Variants in NRG1 observed in about 807,000 individuals in gnomAD.
NRG1 encodes the protein neuregulin 1, also known as pro-neuregulin-1, membrane-bound isoform.
In NRG1, 18 loss-of-function variants were observed where a neutral mutation model predicts 63.8. The ratio of observed to expected loss-of-function variants is 0.28; its 90% CI spans 0.19 to 0.42. NRG1 has a LOEUF of 0.42. Among genes scored for constraint, NRG1 ranks in the 10% least tolerant of loss-of-function variants. NRG1 has a pLI of 1.00. For synonymous variants in NRG1, 302 were observed against 301.3 expected, an observed-to-expected ratio of 1.00 and a Z score of -0.02; for missense variants, 762 against 814.7, an observed-to-expected ratio of 0.94 and a Z score of 0.79.
At chr8:31,943,390 T>C (rs1228714831) in intron 1 of NRG1, among the ~76,000 whole-genome samples, 9 of 152,032 alleles carry the variant, frequency 5.9e-5, no homozygotes, top group Non-Finnish European at 1.2e-4. Flanking sequence ...CAGGGAAAGT[T>C]TGGGGACTGG....
At chr8:32,483,798 G>A (rs1357292986) in intron 1 of NRG1, among the ~76,000 whole-genome samples, 5 of 151,978 alleles carry the variant, frequency 3.3e-5, no homozygotes, top group Non-Finnish European at 5.9e-5. Flanking sequence ...AATGTCCACC[G>A]ACGTTAGAAA....
chr8:32,078,400 A>G lies in NRG1; in HGVS notation c.37+438969A>G, dbSNP rs141521129. Among the ~76,000 whole-genome samples the G allele has an allele frequency of 2.7e-3, 405 of 152,316 alleles. 4 individuals are homozygous for G. The highest frequency in any genetic ancestry group is 9.2e-3 in the African/African-American group (384 of 41,578). On this transcript the variant is annotated intron_variant, in intron 1 of 10. Coordinates refer to the NRG1 transcript ENST00000519301. ...CAGATGCTGGCACCACACTTTGTGT[A>G]TAGCCTTTAGAACCATGAGCCAAAT...
chr8:32,494,027 G>C (rs16879481), intron 1 of NRG1, among the ~76,000 whole-genome samples: 15,342 of 152,100 alleles, frequency 0.1, 1,883 homozygotes, highest in East Asian at 0.57. Context: ...CTTGGTAATA[G>C]TTTTTCTTCT....
intron 1 of NRG1, among the ~76,000 whole-genome samples, chr8:31,651,647 A>G (rs572670681): frequency 6.6e-6 from 1 of 152,306 alleles, no homozygotes; most frequent in South Asian, 2.1e-4. Flanking sequence ...AAGCTCTTTT[A>G]TAAGTAAAAT....
At chr8:31,671,547 C>T (rs1162560307) in intron 1 of NRG1, among the ~76,000 whole-genome samples, 1 of 152,082 alleles carries the variant, frequency 6.6e-6, no homozygotes, top group African/African-American at 2.4e-5. Context: ...CTTAGTTTCA[C>T]TCTGATTAAT....
chr8:32,414,542 T>G (rs1026944750), intron 1 of NRG1, among the ~76,000 whole-genome samples: 6 of 152,212 alleles, frequency 3.9e-5, no homozygotes, highest in African/African-American at 9.6e-5. Context: ...AAGATTTCTA[T>G]AGATATGCAT....
rs116963595 is a variant in NRG1, at chr8:32,658,303, T to C, written c.502+41418T>C. Among the ~76,000 whole-genome samples the C allele has an allele frequency of 7.7e-3, 1,170 of 152,332 alleles. 6 individuals carry two copies. The highest frequency in any genetic ancestry group is 0.024 in the Middle Eastern group (7 of 294). On this transcript the variant is annotated intron_variant, in intron 5 of 11. Transcript: ENST00000356819. ...TGTCACCTTGAAACTTTTTTATCTATTTTGGATTGAAATCTTTTAATAACT... is the reference window on the plus strand; with the variant it reads ...TGTCACCTTGAAACTTTTTTATCTACTTTGGATTGAAATCTTTTAATAACT...
chr8:31,882,044 T>C lies in NRG1; in HGVS notation c.37+242613T>C, dbSNP rs1252056650. ...TCAGTGTTGACAAAAGGGTTTTCTT[T>C]TGGAAGAAGATGCCATCTTGGCTTT... On this transcript the variant is annotated intron_variant, in intron 1 of 10. Transcript: ENST00000519301. Among the ~76,000 whole-genome samples, 12 of 152,214 alleles carry C rather than the reference T, an allele frequency of 7.9e-5. No homozygotes were observed. The East Asian group carries it at 2.1e-3, about 27-fold the overall frequency.
chr8:32,389,749 GTCTT>G (rs1161274301), intron 1 of NRG1, among the ~76,000 whole-genome samples: 5 of 121,548 alleles, frequency 4.1e-5, no homozygotes, highest in East Asian at 4.1e-4. Context: ...TTTTCTTTCA[GTCTT>G]TCTTTCTTTT....
At chr8:31,941,544 G>A (rs1238525123) in intron 1 of NRG1, among the ~76,000 whole-genome samples, 1 of 152,088 alleles carries the variant, frequency 6.6e-6, no homozygotes, top group Non-Finnish European at 1.5e-5. Flanking sequence ...CTTAGCCAGA[G>A]CAATCAGACA....
At chr8:32,116,790 A>G (rs1355498612) in intron 1 of NRG1, among the ~76,000 whole-genome samples, 1 of 152,084 alleles carries the variant, frequency 6.6e-6, no homozygotes, top group African/African-American at 2.4e-5. Context: ...ATCAAACTTA[A>G]TGGAACCATA....
intron 1 of NRG1, among the ~76,000 whole-genome samples, chr8:31,739,958 C>T (rs750111809): frequency 6.6e-6 from 1 of 152,012 alleles, no homozygotes; most frequent in Non-Finnish European, 1.5e-5. Context: ...CTGAGAGAGT[C>T]TGTGTGACCA....
rs6986877 is a variant in NRG1, at chr8:32,456,897, C to T, written c.38-138931C>T. ...CTATCATCCCAGCACTTTGGGAGGCCGAGGAGGGTGGATCACCTGAGATCA... is the reference window on the plus strand; with the variant it reads ...CTATCATCCCAGCACTTTGGGAGGCTGAGGAGGGTGGATCACCTGAGATCA... On this transcript the variant is annotated intron_variant, in intron 1 of 10. Coordinates refer to the NRG1 transcript ENST00000519301. Among the ~76,000 whole-genome samples the T allele has an allele frequency of 9.4e-3, 1,433 of 152,152 alleles. 22 individuals are homozygous for T. Among genetic ancestry groups the T allele is most frequent in the African/African-American group, 0.032 (1,346 of 41,522 alleles).
chr8:32,561,338 C>T (rs1051154648), intron 1 of NRG1, among the ~76,000 whole-genome samples: 10 of 152,134 alleles, frequency 6.6e-5, no homozygotes, highest in Non-Finnish European at 1.2e-4. Flanking sequence ...GTAAATCAAC[C>T]GAATCTTTAT....
chr8:32,184,750 A>G (rs1841802010), intron 1 of NRG1, among the ~76,000 whole-genome samples: 1 of 152,170 alleles, frequency 6.6e-6, no homozygotes, highest in African/African-American at 2.4e-5. Flanking sequence ...GATTTTTATT[A>G]CAAGTAGGGA....
At position 32,077,119 on chromosome 8, in the gene NRG1, C is replaced by T. The variant is rs561454742; in HGVS notation, c.37+437688C>T. Among the ~76,000 whole-genome samples the T allele has an allele frequency of 1.2e-4, 18 of 152,304 alleles. No individual in the cohort carries two copies. In the East Asian group the frequency reaches 3.3e-3, roughly 28 times the overall value. Reference sequence around the variant, plus strand: ...TGTTGGCTCACGCCTGTAATCCCAGCACTTTGGGAGGCTGAGGCAGGTGGA... The same window carrying T: ...TGTTGGCTCACGCCTGTAATCCCAGTACTTTGGGAGGCTGAGGCAGGTGGA... On this transcript the variant is annotated intron_variant, in intron 1 of 10. Coordinates refer to the NRG1 transcript ENST00000519301.
At chr8:32,040,555 G>T (rs1819772865) in intron 1 of NRG1, among the ~76,000 whole-genome samples, 1 of 148,230 alleles carries the variant, frequency 6.7e-6, no homozygotes, top group African/African-American at 2.5e-5. Context: ...CATTTGGTAG[G>T]CTTTTAAAAA....
intron 1 of NRG1, among the ~76,000 whole-genome samples, chr8:31,643,703 C>G (rs1031732738): frequency 1.3e-5 from 2 of 152,128 alleles, no homozygotes; most frequent in South Asian, 2.1e-4. Context: ...AAGAAATATC[C>G]TTGGGTTTTA....
intron 1 of NRG1, among the ~76,000 whole-genome samples, chr8:32,173,554 TAA>T (rs1840328799): frequency 1.3e-5 from 2 of 152,144 alleles, no homozygotes; most frequent in Admixed American, 1.3e-4. Context: ...GCAGATTGGA[TAA>T]AGAGTCAAGA....
Sources: gnomAD v4.1 joint callset for allele counts (sites outside exome capture counted in the v4.1 genomes callset) on GRCh38, gnomAD v4.1.1 for gene constraint, MANE v1.5 for transcripts, NCBI Gene and HGNC (gene_info 2026-07-23, HGNC 2026-07-21) for gene names.